Variants in SHPRH observed in about 807,000 individuals in gnomAD.
The protein encoded by SHPRH is E3 ubiquitin-protein ligase SHPRH.
A neutral mutation model predicts 202.5 loss-of-function variants in SHPRH; 106 were observed. That is an observed-to-expected ratio of 0.52 (90% CI 0.45 to 0.62). The LOEUF (loss-of-function observed/expected upper bound fraction) is 0.62, where lower values mean the gene tolerates loss of function less well. Ranked by LOEUF, SHPRH falls within the 20% of genes least tolerant of loss-of-function variation. SHPRH has a pLI of 0.00. For missense variants in SHPRH, 1,710 were observed against 2,020.0 expected, an observed-to-expected ratio of 0.85 and a Z score of 2.94; for synonymous variants, 729 against 686.0, an observed-to-expected ratio of 1.06 and a Z score of -0.98.
At position 145,943,428 on chromosome 6, in the gene SHPRH, G is replaced by C; in HGVS notation, c.1953C>G (p.Pro651=). 1 of 1,614,036 alleles carries C rather than the reference G, an allele frequency of 6.2e-7. No homozygotes were observed. The highest frequency in any genetic ancestry group is 1.1e-5 in the South Asian group (1 of 91,084). Reference sequence around the variant, plus strand: ...CAAAGCGGTAATCAGAGGTGTTAAAGGGACTCATGGTATTAGAAGGTGGTA... The same window carrying C: ...CAAAGCGGTAATCAGAGGTGTTAAACGGACTCATGGTATTAGAAGGTGGTA... ...SDVPPSNTMS[P]FNTSDYRFEC... is the part of the protein sequence containing the mutation. Residue 651 remains proline, a synonymous_variant, in exon 9 of 30, where the codon CCC becomes CCG. Coordinates refer to ENST00000275233, the MANE Select transcript of SHPRH (RefSeq NM_001042683.3).
intron 28 of SHPRH, among the ~76,000 whole-genome samples, chr6:145,892,313 A>G (rs998294678): frequency 2.0e-5 from 3 of 151,586 alleles, no homozygotes; most frequent in East Asian, 1.9e-4. Context: ...TTAACACCAT[A>G]AAGTCTTTCC....
At chr6:145,896,251 A>G (rs1201201477) in intron 25 of SHPRH, among the ~76,000 whole-genome samples, 1 of 152,082 alleles carries the variant, frequency 6.6e-6, no homozygotes, top group Non-Finnish European at 1.5e-5. Context: ...GAAATGTACT[A>G]CAAAGAACCT....
At chr6:145,958,987 T>C (rs1459976134) in intron 1 of SHPRH, among the ~76,000 whole-genome samples, 2 of 151,966 alleles carry the variant, frequency 1.3e-5, no homozygotes, top group African/African-American at 4.8e-5. Context: ...CGCCTGCCAC[T>C]ATGCCCAGCT....
intron 14 of SHPRH, among the ~76,000 whole-genome samples, chr6:145,931,762 ATAT>A (rs1293598396): frequency 6.6e-5 from 10 of 152,116 alleles, no homozygotes; most frequent in African/African-American, 2.2e-4. Flanking sequence ...CCTTCATATA[ATAT>A]TATACCTCTT....
chr6:145,901,146 T>C (rs1258944269), intron 25 of SHPRH, among the ~76,000 whole-genome samples: 3 of 152,204 alleles, frequency 2.0e-5, no homozygotes, highest in East Asian at 1.9e-4. Context: ...GAACTGGATA[T>C]ACAAAGATGA....
chr6:145,879,380 C>A (rs180851937), intron 2 of SHPRH, among the ~76,000 whole-genome samples: 1 of 152,106 alleles, frequency 6.6e-6, no homozygotes, highest in African/African-American at 2.4e-5. Flanking sequence ...GAACTTAACA[C>A]CATATATTTT....
chr6:145,923,209 C>T lies in SHPRH; in HGVS notation c.3546-373G>A, dbSNP rs183491826. Among the ~76,000 whole-genome samples the T allele has an allele frequency of 1.9e-3, 291 of 151,530 alleles. 1 individual carries two copies. The highest frequency in any genetic ancestry group is 6.8e-3 in the African/African-American group (282 of 41,422). ...ATGAGGAGGTGCCTGCAGGATGAAA[C>T]ATAAAAGCAGAATATTGGGAAGAAA... On this transcript the variant is annotated intron_variant, in intron 18 of 29. Coordinates refer to ENST00000275233, the MANE Select transcript of SHPRH (RefSeq NM_001042683.3).
intron 25 of SHPRH, chr6:145,904,784 A>AG (rs1455224096): frequency 6.6e-6 from 1 of 152,150 alleles, no homozygotes; most frequent in East Asian, 1.9e-4. Flanking sequence ...TATGATAAAA[A>AG]GGGAAATTAT....
intron 23 of SHPRH, chr6:145,917,851 G>T: frequency 3.9e-6 from 1 of 258,646 alleles, no homozygotes; most frequent in East Asian, 7.0e-5. Flanking sequence ...ACCGAGATAT[G>T]TTTTAATACT....
chr6:145,962,396 A>T (rs1225797755), intron 1 of SHPRH, among the ~76,000 whole-genome samples: 1 of 152,088 alleles, frequency 6.6e-6, no homozygotes, highest in Admixed American at 6.5e-5. Context: ...ACGATACTTT[A>T]CTCTTATTTC....
intron 18 of SHPRH, among the ~76,000 whole-genome samples, chr6:145,923,328 G>A (rs1386380093): frequency 6.6e-6 from 1 of 151,692 alleles, no homozygotes. Context: ...CTATATACGA[G>A]GCACTTTGCC....
intron 11 of SHPRH, among the ~76,000 whole-genome samples, chr6:145,938,180 AC>A (rs1395027443): frequency 6.6e-6 from 1 of 151,590 alleles, no homozygotes; most frequent in Non-Finnish European, 1.5e-5. Context: ...TGAGGGTGGA[AC>A]CCTCATGAGT....
At chr6:145,957,429 A>G (rs985564823) in intron 1 of SHPRH, among the ~76,000 whole-genome samples, 4 of 152,170 alleles carry the variant, frequency 2.6e-5, no homozygotes, top group Admixed American at 6.5e-5. Flanking sequence ...AGCAAGTCAC[A>G]GATGGGAGAA....
chr6:145,930,405 TAAC>T (rs1785313993), intron 14 of SHPRH, among the ~76,000 whole-genome samples: 1 of 152,196 alleles, frequency 6.6e-6, no homozygotes, highest in Non-Finnish European at 1.5e-5. Context: ...TTCTTTTTAA[TAAC>T]TGATTTGCTG....
At chr6:145,946,168 G>T in intron 7 of SHPRH, 65 bp downstream of exon 7, 1 of 1,166,084 alleles carries the variant, frequency 8.6e-7, no homozygotes, top group Non-Finnish European at 1.2e-6. Flanking sequence ...TATCTCTAAG[G>T]ATTGCAAGAA....
chr6:145,930,319 A>T (rs1220709739), intron 14 of SHPRH, among the ~76,000 whole-genome samples: 15 of 151,854 alleles, frequency 9.9e-5, no homozygotes, highest in South Asian at 8.3e-4. Flanking sequence ...CTTTTTTTTT[A>T]AATTTCTTAA....
At chr6:145,933,234 A>C (rs1451902290) in intron 13 of SHPRH, 56 bp from the exon 14 acceptor site, 1 of 1,611,904 alleles carries the variant, frequency 6.2e-7, no homozygotes, top group East Asian at 2.2e-5. Flanking sequence ...GTGTGACTTC[A>C]GTGGGAGTGT....
At chr6:145,934,689 A>AC (rs1210752074) in intron 13 of SHPRH, among the ~76,000 whole-genome samples, 1 of 151,544 alleles carries the variant, frequency 6.6e-6, no homozygotes, top group Admixed American at 6.6e-5. Flanking sequence ...AACAACAACA[A>AC]AAAAACACCA....
intron 2 of SHPRH, among the ~76,000 whole-genome samples, chr6:145,874,698 T>A (rs1308512343): frequency 6.6e-6 from 1 of 152,152 alleles, no homozygotes; most frequent in Non-Finnish European, 1.5e-5. Flanking sequence ...CATCTGTAAA[T>A]TTTCAAGGGC....
Sources: allele counts gnomAD v4.1 joint callset (sites outside exome capture counted in the v4.1 genomes callset), GRCh38; gene constraint gnomAD v4.1.1; transcripts MANE v1.5; gene names NCBI Gene and HGNC (gene_info 2026-07-23, HGNC 2026-07-21).